SLC44A5: variants seen among roughly 807,000 people sequenced by gnomAD.
The protein encoded by SLC44A5 is solute carrier family 44 member 5.
A neutral mutation model predicts 101.8 loss-of-function variants in SLC44A5; 57 were observed. That is an observed-to-expected ratio of 0.56 (90% CI 0.45 to 0.70). The LOEUF (loss-of-function observed/expected upper bound fraction) is 0.70, where lower values mean the gene tolerates loss of function less well. Ranked by LOEUF, SLC44A5 falls within the 30% of genes least tolerant of loss-of-function variation. SLC44A5 has a pLI of 0.00. For synonymous variants in SLC44A5, 281 were observed against 290.9 expected (o/e 0.97, Z 0.35); for missense variants, 737 against 853.1 (o/e 0.86, Z 1.70).
upstream of SLC44A5, chr1:75,615,861 C>CT: frequency 8.1e-6 from 8 of 988,106 alleles, no homozygotes; most frequent in Non-Finnish European, 9.6e-6. Context: ...ACCCTTGATG[C>CT]TGGGGGGCTT....
At chr1:75,234,609 C>T (rs1647902409) in intron 11 of SLC44A5, among the ~76,000 whole-genome samples, 1 of 151,998 alleles carries the variant, frequency 6.6e-6, no homozygotes, top group Admixed American at 6.6e-5. Flanking sequence ...GCCCATAATG[C>T]TGTAGTCATT....
the SLC44A5 span, chr1:75,723,817 A>G: frequency 6.6e-6 from 1 of 152,238 alleles, no homozygotes; most frequent in Non-Finnish European, 1.5e-5. Context: ...AAATTCCCAG[A>G]AGACAAAGTA....
intron 1 of SLC44A5, among the ~76,000 whole-genome samples, chr1:75,547,586 C>G (rs1671719042): frequency 1.3e-5 from 2 of 152,100 alleles, no homozygotes; most frequent in South Asian, 4.1e-4. Context: ...TGGGGATGCT[C>G]AAGACATTTT....
intron 2 of SLC44A5, among the ~76,000 whole-genome samples, chr1:75,408,512 A>G (rs1570176127): frequency 6.6e-6 from 1 of 152,112 alleles, no homozygotes; most frequent in East Asian, 1.9e-4. Flanking sequence ...GCACATATAT[A>G]CCATGGAATG....
At chr1:75,685,114 G>T in the SLC44A5 span, among the ~76,000 whole-genome samples, 2 of 152,132 alleles carry the variant, frequency 1.3e-5, no homozygotes, top group Non-Finnish European at 2.9e-5. Flanking sequence ...TGAATCAATG[G>T]CCTAAGCTGT....
the SLC44A5 span, among the ~76,000 whole-genome samples, chr1:75,713,544 T>A: frequency 6.6e-6 from 1 of 152,198 alleles, no homozygotes; most frequent in East Asian, 1.9e-4. Context: ...ATCAATTATA[T>A]CATATGCCCA....
chr1:75,253,241 C>G (rs1228797573), intron 6 of SLC44A5, among the ~76,000 whole-genome samples: 1 of 152,160 alleles, frequency 6.6e-6, no homozygotes, highest in Non-Finnish European at 1.5e-5. Flanking sequence ...TAATAGCAGG[C>G]CAGGCCCTCT....
In SLC44A5 at chr1:75,458,522, C is replaced by A. The variant is rs143610950; in HGVS notation, c.14-61901G>T. On this transcript the variant is annotated intron_variant, in intron 2 of 23. Transcript: ENST00000370859. ...CAATCAGAAATGCTATTACAATAGC[C>A]CAATAAAGAGACTGTGATAATTTGA... Among the ~76,000 whole-genome samples the A allele has an allele frequency of 4.0e-3, 609 of 151,872 alleles. 5 individuals are homozygous for A. The highest frequency in any genetic ancestry group is 0.014 in the African/African-American group (586 of 41,408).
intron 5 of SLC44A5, among the ~76,000 whole-genome samples, chr1:75,286,001 T>C (rs1456036072): frequency 6.6e-6 from 1 of 152,106 alleles, no homozygotes; most frequent in Admixed American, 6.5e-5. Context: ...TTCTAGGATA[T>C]AGTTTAAGTC....
rs190261323 is a variant in SLC44A5, at chr1:75,278,526, T to A, written c.176-3484A>T. 1.9e-3 allele frequency among the ~76,000 whole-genome samples: 289 copies of A among 152,194 alleles called. 1 individual carries two copies. The highest frequency in any genetic ancestry group is 6.5e-3 in the African/African-American group (271 of 41,544). On this transcript the variant is annotated intron_variant, in intron 5 of 23. Transcript: ENST00000370859. Reference sequence around the variant, plus strand: ...TGAAATAATAGTCACAGATAATATATCTCAGCCAAACTCATAATTTCCTTT... The same window carrying A: ...TGAAATAATAGTCACAGATAATATAACTCAGCCAAACTCATAATTTCCTTT...
At chr1:75,358,708 CATT>C (rs1297898491) in intron 3 of SLC44A5, among the ~76,000 whole-genome samples, 1 of 152,070 alleles carries the variant, frequency 6.6e-6, no homozygotes, top group Non-Finnish European at 1.5e-5. Context: ...TTTTTATTAA[CATT>C]ATTTTTAACC....
At chr1:75,665,578 T>C in the SLC44A5 span, among the ~76,000 whole-genome samples, 1 of 152,020 alleles carries the variant, frequency 6.6e-6, no homozygotes, top group African/African-American at 2.4e-5. Flanking sequence ...CAGAAGCAAT[T>C]GCAACAAAAA....
At chr1:75,652,216 T>G in the SLC44A5 span, among the ~76,000 whole-genome samples, 11 of 152,112 alleles carry the variant, frequency 7.2e-5, no homozygotes, top group Middle Eastern at 3.2e-3. Flanking sequence ...AAGGGAAGAA[T>G]CAGGGAATAA....
intron 4 of SLC44A5, among the ~76,000 whole-genome samples, chr1:75,332,427 T>G (rs568730103): frequency 6.6e-6 from 1 of 152,176 alleles, no homozygotes; most frequent in African/African-American, 2.4e-5. Context: ...AAGAGGCATA[T>G]AGGTATATAA....
chr1:75,516,472 G>C (rs1450101489), intron 2 of SLC44A5, among the ~76,000 whole-genome samples: 1 of 152,044 alleles, frequency 6.6e-6, no homozygotes, highest in African/African-American at 2.4e-5. Context: ...AGCGGAGATC[G>C]CACCACTGCA....
the SLC44A5 span, among the ~76,000 whole-genome samples, chr1:75,677,481 C>T: frequency 0.26 from 39,226 of 151,716 alleles, 5,402 homozygotes; most frequent in Middle Eastern, 0.37. Flanking sequence ...AAAACAGATA[C>T]ACAAAGAATT....
chr1:75,459,314 C>T lies in SLC44A5; in HGVS notation c.14-62693G>A, dbSNP rs1348566173. On this transcript the variant is annotated intron_variant, in intron 2 of 23. Transcript: ENST00000370859. ...TTAGTATTTAGTATTTACAAAGTTC[C>T]GTTTTTAAGTATAATTTACATACAG... Among the ~76,000 whole-genome samples, 4 of 152,074 alleles carry T rather than the reference C, an allele frequency of 2.6e-5. No individual in the cohort carries two copies. In the East Asian group the frequency reaches 5.8e-4, roughly 22 times the overall value.
chr1:75,679,411 C>T, the SLC44A5 span, among the ~76,000 whole-genome samples: 2 of 152,216 alleles, frequency 1.3e-5, no homozygotes, highest in African/African-American at 4.8e-5. Context: ...AACAGCGGAT[C>T]TCTCAACAGA....
chr1:75,241,614 T>C (rs1648636325), intron 9 of SLC44A5, among the ~76,000 whole-genome samples: 1 of 152,080 alleles, frequency 6.6e-6, no homozygotes, highest in African/African-American at 2.4e-5. Flanking sequence ...TAAAGACAAG[T>C]ATATGTCCTC....
Sources: gnomAD v4.1 joint callset for allele counts (sites outside exome capture counted in the v4.1 genomes callset) on GRCh38, gnomAD v4.1.1 for gene constraint, MANE v1.5 for transcripts, NCBI Gene and HGNC (gene_info 2026-07-23, HGNC 2026-07-21) for gene names.